Variants in MEF2A observed in about 807,000 individuals in gnomAD.
MEF2A encodes the protein myocyte enhancer factor 2A, also known as myocyte-specific enhancer factor 2A.
In MEF2A, 28 loss-of-function variants were observed where a neutral mutation model predicts 55.8. That is an observed-to-expected ratio of 0.50 (90% CI 0.37 to 0.69). The LOEUF is 0.69. Among genes scored for constraint, MEF2A ranks in the 30% least tolerant of loss-of-function variants. The pLI is 0.00. For missense variants in MEF2A, 528 were observed against 626.2 expected (o/e 0.84, Z 1.67); for synonymous variants, 239 against 227.1 (o/e 1.05, Z -0.47).
rs200249962 is a variant in MEF2A at position 99,581,575 on chromosome 15, C to G, written c.-225+15471C>G. ...ATATGGATCATCCCCATACAATGGCCTAGGTTCTGCTTCCCCCAAACCCTT... is the reference window on the plus strand; with the variant it reads ...ATATGGATCATCCCCATACAATGGCGTAGGTTCTGCTTCCCCCAAACCCTT... On this transcript the variant is annotated intron_variant, in intron 1 of 11. Coordinates refer to ENST00000557942, the MANE Select transcript of MEF2A (RefSeq NM_001319206.4). 9.2e-5 allele frequency among the ~76,000 whole-genome samples: 14 copies of G among 152,092 alleles called. No homozygotes were observed. In the East Asian group the frequency reaches 2.7e-3, roughly 29 times the overall value.
chr15:99,701,340 G>C (rs950869256), intron 8 of MEF2A, among the ~76,000 whole-genome samples: 19 of 152,156 alleles, frequency 1.2e-4, no homozygotes, highest in Non-Finnish European at 2.5e-4. Context: ...GACCCAAATT[G>C]AGAGACATTC....
chr15:99,605,735 C>A (rs1301881201), intron 2 of MEF2A, among the ~76,000 whole-genome samples: 1 of 150,722 alleles, frequency 6.6e-6, no homozygotes, highest in Non-Finnish European at 1.5e-5. Flanking sequence ...CTTGGGAGGC[C>A]AAAGGTGGGT....
At chr15:99,580,871 C>G (rs939768815) in intron 1 of MEF2A, among the ~76,000 whole-genome samples, 1 of 151,912 alleles carries the variant, frequency 6.6e-6, no homozygotes, top group Non-Finnish European at 1.5e-5. Context: ...TTTTGGTTTT[C>G]TTGGTTTTAT....
At chr15:99,625,301 A>G (rs186246613) in intron 2 of MEF2A, among the ~76,000 whole-genome samples, 9 of 152,270 alleles carry the variant, frequency 5.9e-5, no homozygotes, top group Admixed American at 1.3e-4. Flanking sequence ...GTATTTTGCT[A>G]CTTTACTAAA....
chr15:99,645,516 T>C (rs1414995175), intron 3 of MEF2A, 45 bp from the exon 4 acceptor site: 1 of 1,377,964 alleles, frequency 7.3e-7, no homozygotes, highest in Middle Eastern at 2.5e-4. Flanking sequence ...CATATTCAAG[T>C]ACTACTAATG....
In MEF2A at chr15:99,714,635, C is replaced by A. The variant is rs964982819; in HGVS notation, c.*1864C>A. On this transcript the variant is annotated 3_prime_UTR_variant, in exon 12 of 12. Coordinates refer to ENST00000557942, the MANE Select transcript of MEF2A (RefSeq NM_001319206.4). ...AACTAATGGATGATAGCAAGTTCAT[C>A]CACTTACTGGGCTTGTGCCATGAGC... 1 of 152,146 alleles carries A rather than the reference C, an allele frequency of 6.6e-6. No individual in the cohort carries two copies. Among genetic ancestry groups the A allele is most frequent in the African/African-American group, 2.4e-5 (1 of 41,426 alleles). The allele number at this position is 152,146 out of a possible 1,614,324, so 9.4% of individuals were successfully genotyped here.
chr15:99,630,967 A>C (rs2042854230), intron 2 of MEF2A, among the ~76,000 whole-genome samples: 1 of 152,218 alleles, frequency 6.6e-6, no homozygotes, highest in Admixed American at 6.5e-5. Flanking sequence ...ATCTACAGGC[A>C]GATGAGTCCA....
In MEF2A at chr15:99,585,917, T is replaced by C. The variant is rs1320659257; in HGVS notation, c.-224-12513T>C. ...TCTTCGGTGGTATCTTAAAAATTTG[T>C]AGGTTTTTTTCCTAAATGGAATCAT... On this transcript the variant is annotated intron_variant, in intron 1 of 11. Transcript: ENST00000557942. 2.6e-5 allele frequency among the ~76,000 whole-genome samples: 4 copies of C among 152,304 alleles called. No individual in the cohort carries two copies. In the East Asian group the frequency reaches 7.7e-4, roughly 29 times the overall value.
At chr15:99,569,820 A>C (rs1296557478) in intron 1 of MEF2A, among the ~76,000 whole-genome samples, 4 of 151,990 alleles carry the variant, frequency 2.6e-5, no homozygotes, top group Admixed American at 2.0e-4. Flanking sequence ...GTAATTTTTA[A>C]AATACTTTGA....
intron 8 of MEF2A, among the ~76,000 whole-genome samples, chr15:99,691,067 T>TA (rs1402846183): frequency 6.7e-6 from 1 of 149,960 alleles, no homozygotes; most frequent in African/African-American, 2.4e-5. Flanking sequence ...TATTCACATG[T>TA]ACCCCATTAA....
Position 99,712,374 on chromosome 15 carries a change from C to CTT in MEF2A, c.1137-9_1137-8dup. 6.6e-7 allele frequency: 1 copy of CTT among 1,511,142 alleles called. No individual in the cohort carries two copies. Among genetic ancestry groups the CTT allele is most frequent in the Non-Finnish European group, 8.9e-7 (1 of 1,122,838 alleles). 93.6% of individuals were successfully genotyped at this position (1,511,142 alleles called of 1,614,324 possible). Reference sequence around the variant, plus strand: ...TACTTGCAAGCCATCTGACCTCTCTCTTTTTTTTCCTTCAGTGCTGGAGGG... The same window carrying CTT: ...TACTTGCAAGCCATCTGACCTCTCTCTTTTTTTTTTCCTTCAGTGCTGGAGGG... On this transcript the variant is annotated splice_polypyrimidine_tract_variant and intron_variant, in intron 11 of 11. Transcript: ENST00000557942. This position sits in a 1 kb window ranked among gnomAD's most constrained non-coding sequence, Gnocchi z 4.1.
At chr15:99,665,400 CTG>C (rs140975196) in intron 4 of MEF2A, among the ~76,000 whole-genome samples, 37,383 of 151,878 alleles carry the variant, frequency 0.25, 4,977 homozygotes, top group African/African-American at 0.33. Context: ...AAAGCTGAAA[CTG>C]GATCCCTTCC....
chr15:99,585,607 T>A (rs546570086), intron 1 of MEF2A, among the ~76,000 whole-genome samples: 1 of 152,372 alleles, frequency 6.6e-6, no homozygotes, highest in Non-Finnish European at 1.5e-5. Flanking sequence ...AATAAGAATG[T>A]CATTAAGAAA....
chr15:99,649,038 C>T (rs1307035732), intron 4 of MEF2A, among the ~76,000 whole-genome samples: 1 of 152,054 alleles, frequency 6.6e-6, no homozygotes, highest in African/African-American at 2.4e-5. Flanking sequence ...TGTTCTGCCT[C>T]ATTTTATATT....
intron 7 of MEF2A, chr15:99,678,754 G>GAT (rs2052613479): frequency 1.2e-6 from 1 of 855,734 alleles, no homozygotes. Context: ...AAGTCTAATG[G>GAT]AAAGACTGAT....
chr15:99,619,533 T>C (rs1360402888), intron 2 of MEF2A, among the ~76,000 whole-genome samples: 2 of 152,214 alleles, frequency 1.3e-5, no homozygotes, highest in Non-Finnish European at 2.9e-5. Flanking sequence ...AGTGTATTGC[T>C]GTTGTTACTA....
At chr15:99,588,039 A>C (rs116199810) in intron 1 of MEF2A, among the ~76,000 whole-genome samples, 1,702 of 152,282 alleles carry the variant, frequency 0.011, 29 homozygotes, top group African/African-American at 0.037. Context: ...ACCATTAAGT[A>C]TGATCTTAGC....
intron 3 of MEF2A, among the ~76,000 whole-genome samples, chr15:99,640,849 G>A (rs1352915163): frequency 1.3e-5 from 2 of 152,036 alleles, no homozygotes; most frequent in Non-Finnish European, 2.9e-5. Context: ...CGCCCAGCCA[G>A]TGTTTTCTTG....
intron 7 of MEF2A, among the ~76,000 whole-genome samples, chr15:99,686,385 T>C (rs998521224): frequency 6.6e-6 from 1 of 152,202 alleles, no homozygotes; most frequent in Non-Finnish European, 1.5e-5. Flanking sequence ...TTAGAACTCC[T>C]TTTAGCATTT....
Sources: gnomAD v4.1 joint callset for allele counts (sites outside exome capture counted in the v4.1 genomes callset) on GRCh38, gnomAD v4.1.1 for gene constraint, Gnocchi (gnomAD v3.1) non-coding constraint, MANE v1.5 for transcripts, NCBI Gene and HGNC (gene_info 2026-07-23, HGNC 2026-07-21) for gene names.